Variants in MTERF2 observed in about 807,000 individuals in gnomAD.
MTERF2 encodes the protein mitochondrial transcription termination factor 2.
Under a neutral mutation model 29.2 loss-of-function variants are expected in MTERF2, and 23 were observed. The ratio of observed to expected loss-of-function variants is 0.79; its 90% CI spans 0.57 to 1.12. The LOEUF is 1.12. Among genes scored for constraint, MTERF2 ranks in the 50% most tolerant of loss-of-function variants. MTERF2 has a pLI of 0.00. For synonymous variants in MTERF2, 157 were observed against 159.5 expected (o/e 0.98, Z 0.12); for missense variants, 440 against 429.4 (o/e 1.02, Z -0.22).
In MTERF2 at chr12:106,978,188, A is replaced by C. The variant is rs1202543638; in HGVS notation, c.527T>G (p.Val176Gly). 3.1e-6 allele frequency: 5 copies of C among 1,613,780 alleles called. No homozygotes were observed. The highest frequency in any genetic ancestry group is 3.4e-6 in the Non-Finnish European group (4 of 1,180,008). ...ISRLLTAAPN[V>G]FHNPVEKNKQ... Reference sequence around the variant, plus strand: ...ATTCTTCTCAACAGGATTATGAAAAACATTAGGTGCAGCTGTCAAAAGTCT... The same window carrying C: ...ATTCTTCTCAACAGGATTATGAAAACCATTAGGTGCAGCTGTCAAAAGTCT... Residue 176 changes from valine to glycine, a missense_variant, in exon 3 of 3, where the codon GTT (valine) becomes GGT (glycine). Val to Gly is a moderately radical substitution (Grantham distance 109, BLOSUM62 -3). Transcript: ENST00000240050.
chr12:106,979,585 C>CA (rs1952030908), intron 2 of MTERF2, among the ~76,000 whole-genome samples: 1 of 152,110 alleles, frequency 6.6e-6, no homozygotes, highest in Admixed American at 6.5e-5. Flanking sequence ...ACTAAACATA[C>CA]AAAAATTAGC....
At chr12:106,980,679 A>T in intron 2 of MTERF2, 1 of 152,196 alleles carries the variant, frequency 6.6e-6, no homozygotes, top group East Asian at 1.9e-4. Flanking sequence ...GGCTCAATTT[A>T]GCCTGTTGGC....
intron 2 of MTERF2, among the ~76,000 whole-genome samples, chr12:106,981,853 A>C (rs924931046): frequency 6.6e-6 from 1 of 152,192 alleles, no homozygotes; most frequent in African/African-American, 2.4e-5. Context: ...TCTGTTTCCC[A>C]AAATAACTGC....
In MTERF2 at chr12:106,987,057, C is replaced by T. The variant is rs978515400; in HGVS notation, c.-257G>A. ...TCTCTCCGGCCAGCCTCCCCACAGTCCGCAGTCCCCGAGGCCTGGAGCCGG... is the reference window on the plus strand; with the variant it reads ...TCTCTCCGGCCAGCCTCCCCACAGTTCGCAGTCCCCGAGGCCTGGAGCCGG... On this transcript the variant is annotated 5_prime_UTR_variant, in exon 1 of 3. Coordinates refer to ENST00000240050, the MANE Select transcript of MTERF2 (RefSeq NM_001033050.3). The T allele has an allele frequency of 1.3e-5, 2 of 152,668 alleles. No homozygotes were observed. The highest frequency in any genetic ancestry group is 2.4e-5 in the African/African-American group (1 of 41,476). The allele number at this position is 152,668 out of a possible 1,614,324, so 9.5% of individuals were successfully genotyped here. A position where few individuals can be genotyped will look rare whatever the true frequency, so the allele number is the denominator to read the frequency against.
At chr12:106,982,675 G>A (rs1304144001) in intron 2 of MTERF2, among the ~76,000 whole-genome samples, 1 of 152,116 alleles carries the variant, frequency 6.6e-6, no homozygotes, top group Non-Finnish European at 1.5e-5. Flanking sequence ...GAGCATTTAG[G>A]CTATTTGTAA....
In MTERF2 at chr12:106,978,671, C is replaced by T. The variant is rs1192587484; in HGVS notation, c.44G>A (p.Cys15Tyr). ...LLLRSQSCRL[C>Y]SFRKMRSPPK... ...AGGTGATCGCATCTTTCTGAAAGAA[C>T]ACAGCCTGCAGGACTGGGATCTCAG... The change falls in exon 3 of 3, where the codon TGT becomes TAT. Residue 15 changes from cysteine to tyrosine, a missense_variant. Physicochemically the swap from Cys to Tyr is radical, Grantham distance 194. Transcript: ENST00000240050. The T allele has an allele frequency of 1.9e-6, 3 of 1,614,140 alleles. No individual in the cohort carries two copies. The highest frequency in any genetic ancestry group is 3.3e-5 in the Admixed American group (2 of 60,016).
intron 2 of MTERF2, among the ~76,000 whole-genome samples, chr12:106,979,556 A>G (rs1296799543): frequency 6.6e-6 from 1 of 152,228 alleles, no homozygotes; most frequent in Non-Finnish European, 1.5e-5. Context: ...CTTGGCCAAC[A>G]TGGTGAAACC....
chr12:106,981,275 C>T lies in MTERF2; in HGVS notation c.-57-2504G>A, dbSNP rs187867759. Among the ~76,000 whole-genome samples the T allele has an allele frequency of 1.9e-3, 282 of 152,290 alleles. 6 individuals are homozygous for T. The highest frequency in any genetic ancestry group is 0.017 in the Admixed American group (255 of 15,304). The stretch of plus-strand genomic sequence containing the variant: ...AACAAGACAGCAGTGATTAGAACAG[C>T]GCCTCACACTAACTATTCAATGAGT... On this transcript the variant is annotated intron_variant, in intron 2 of 2. Coordinates refer to ENST00000240050, the MANE Select transcript of MTERF2 (RefSeq NM_001033050.3).
intron 2 of MTERF2, among the ~76,000 whole-genome samples, chr12:106,979,904 CTTTA>C (rs973043274): frequency 7.9e-5 from 12 of 151,438 alleles, no homozygotes; most frequent in East Asian, 5.8e-4. Flanking sequence ...TTTTTTTTAA[CTTTA>C]TTTATTTTGA....
chr12:106,980,424 A>T (rs1012351688), intron 2 of MTERF2, among the ~76,000 whole-genome samples: 7 of 152,164 alleles, frequency 4.6e-5, no homozygotes, highest in African/African-American at 1.7e-4. Context: ...TAAGGATGTT[A>T]TTCCTTTTGG....
intron 2 of MTERF2, among the ~76,000 whole-genome samples, chr12:106,982,447 G>A (rs1952063323): frequency 1.3e-5 from 2 of 152,196 alleles, no homozygotes; most frequent in African/African-American, 4.8e-5. Context: ...CTTAGTCTCT[G>A]ATGAGCAAAC....
In MTERF2 at chr12:106,977,374, T is replaced by A; in HGVS notation, c.*183A>T. 2.1e-6 allele frequency: 1 copy of A among 472,770 alleles called. No homozygotes were observed. Among genetic ancestry groups the A allele is most frequent in the Non-Finnish European group, 3.5e-6 (1 of 282,978 alleles). 29.3% of individuals were successfully genotyped at this position (472,770 alleles called of 1,614,324 possible). Reference sequence around the variant, plus strand: ...AAGTTACCAACCTTATTAAAATAAATATGATTTATATTTTATAATATGGCA... The same window carrying A: ...AAGTTACCAACCTTATTAAAATAAAAATGATTTATATTTTATAATATGGCA... On this transcript the variant is annotated 3_prime_UTR_variant, in exon 3 of 3. Coordinates refer to ENST00000240050, the MANE Select transcript of MTERF2 (RefSeq NM_001033050.3).
At chr12:106,984,985 C>G (rs1952094059) in intron 2 of MTERF2, 130 bp downstream of exon 2, 1 of 152,310 alleles carries the variant, frequency 6.6e-6, no homozygotes, top group South Asian at 2.1e-4. Context: ...TTGAAATATT[C>G]TCTCATTTGA....
Position 106,977,899 on chromosome 12 carries a change from A to AT in MTERF2, c.815dup (p.Asn272LysfsTer4). 6.2e-7 allele frequency: 1 copy of AT among 1,614,022 alleles called. No individual in the cohort carries two copies. On this transcript the variant is annotated frameshift_variant, in exon 3 of 3. Transcript: ENST00000240050. LOFTEE classifies it high-confidence loss of function. ...GGTCATGATCTGTGCATTTAAAAGC[A>AT]TTTTTAGAGAAGGAAATACTATTCT...
Position 106,978,005 on chromosome 12 carries a change from T to G in MTERF2, c.710A>C (p.Gln237Pro). 6.2e-7 allele frequency: 1 copy of G among 1,614,206 alleles called. No homozygotes were observed. The highest frequency in any genetic ancestry group is 1.1e-5 in the South Asian group (1 of 91,086). The change falls in exon 3 of 3, where the codon CAA (glutamine) becomes CCA (proline). Residue 237 changes from glutamine to proline, a missense_variant. Physicochemically the swap from Gln to Pro is moderately conservative, Grantham distance 76. Coordinates refer to ENST00000240050, the MANE Select transcript of MTERF2 (RefSeq NM_001033050.3). ...GAGAATTTCAAAGCTGGTGAAACCT[T>G]GCTCCTGGAGAAATTCTAGTGTTTC... ...IKETLEFLQEQGFTSFEILQL... is the reference protein window; with the variant it reads ...IKETLEFLQEPGFTSFEILQL...
At chr12:106,981,452 A>G (rs982910436) in intron 2 of MTERF2, among the ~76,000 whole-genome samples, 1 of 152,220 alleles carries the variant, frequency 6.6e-6, no homozygotes, top group Non-Finnish European at 1.5e-5. Flanking sequence ...ATGACTTTAA[A>G]TTGTATTTTA....
intron 2 of MTERF2, among the ~76,000 whole-genome samples, chr12:106,984,172 C>T (rs1033210314): frequency 7.2e-5 from 11 of 152,156 alleles, no homozygotes; most frequent in Non-Finnish European, 1.5e-5. Context: ...AACTCTCAAG[C>T]CCTTTCTCAA....
Position 106,978,371 on chromosome 12 carries a change from T to C in MTERF2, c.344A>G (p.Gln115Arg). The C allele has an allele frequency of 2.5e-6, 4 of 1,614,172 alleles. No homozygotes were observed. The highest frequency in any genetic ancestry group is 3.4e-6 in the Non-Finnish European group (4 of 1,180,038). ...IVCSPTAVNT[Q>R]RKLWQLVCKN... is the part of the protein sequence containing the mutation. ...GCAGACCAACTGCCAGAGTTTTCTC[T>C]GGGTGTTAACAGCGGTTGGACTACA... The change falls in exon 3 of 3, where the codon CAG (glutamine) becomes CGG (arginine). Residue 115 changes from glutamine (Q) to arginine (R), a missense_variant. By Grantham distance (43) the Gln-to-Arg change is conservative (BLOSUM62 1). Transcript: ENST00000240050.
chr12:106,985,416 G>C (rs1952100158), intron 1 of MTERF2, 191 bp from the exon 2 acceptor site: 1 of 152,218 alleles, frequency 6.6e-6, no homozygotes, highest in South Asian at 2.1e-4. Context: ...TGAAGACTGT[G>C]GGCCAGATTC....
Sources: gnomAD v4.1 joint callset for allele counts (sites outside exome capture counted in the v4.1 genomes callset) on GRCh38, gnomAD v4.1.1 for gene constraint, MANE v1.5 for transcripts, NCBI Gene and HGNC (gene_info 2026-07-23, HGNC 2026-07-21) for gene names.